PIK3CD: variants seen among roughly 807,000 people sequenced by gnomAD.
PIK3CD encodes phosphatidylinositol 4,5-bisphosphate 3-kinase catalytic subunit delta isoform.
A neutral mutation model predicts 122.9 loss-of-function variants in PIK3CD; 20 were observed. That is an observed-to-expected ratio of 0.16 (90% CI 0.11 to 0.24). PIK3CD has a LOEUF of 0.24. Among genes scored for constraint, PIK3CD ranks in the 10% least tolerant of loss-of-function variants. The probability of loss-of-function intolerance (pLI) is 1.00; values close to 1 mark genes in which losing one functional copy is unlikely to be tolerated. For synonymous variants in PIK3CD, 596 were observed against 593.4 expected, an observed-to-expected ratio of 1.00 and a Z score of -0.06; for missense variants, 787 against 1,406.3, an observed-to-expected ratio of 0.56 and a Z score of 7.04.
intron 1 of PIK3CD, among the ~76,000 whole-genome samples, chr1:9,679,047 G>A (rs1021770928): frequency 6.6e-5 from 10 of 151,802 alleles, no homozygotes; most frequent in South Asian, 2.1e-4. Flanking sequence ...CCTTCTTTCC[G>A]GGTAGTCAGG....
intron 2 of PIK3CD, among the ~76,000 whole-genome samples, chr1:9,707,004 G>A (rs936693168): frequency 6.7e-6 from 1 of 150,264 alleles, no homozygotes; most frequent in Non-Finnish European, 1.5e-5. Flanking sequence ...GTAGAGATGG[G>A]CTCTCACTAT....
At chr1:9,640,698 G>A in the PIK3CD span, among the ~76,000 whole-genome samples, 5 of 152,068 alleles carry the variant, frequency 3.3e-5, no homozygotes, top group African/African-American at 2.4e-5. Flanking sequence ...GGAAATGTAC[G>A]GGTGTCTATT....
chr1:9,683,683 A>G (rs930274938), intron 1 of PIK3CD, among the ~76,000 whole-genome samples: 1 of 152,042 alleles, frequency 6.6e-6, no homozygotes, highest in Non-Finnish European at 1.5e-5. Flanking sequence ...ATCTCTTGCT[A>G]CATAACAGCC....
chr1:9,663,199 G>T (rs531010178), intron 1 of PIK3CD, among the ~76,000 whole-genome samples: 2 of 152,146 alleles, frequency 1.3e-5, no homozygotes, highest in African/African-American at 4.8e-5. Context: ...CCAAGTCAGC[G>T]TCTATTCAAG....
In PIK3CD at chr1:9,722,024, G is replaced by A. The variant is rs1481897966; in HGVS notation, c.2105G>A (p.Ser702Asn). The part of the protein sequence containing the change: ...LKALNDFVKL[S>N]SQKTPKPQTK... The stretch of plus-strand genomic sequence containing the variant: ...GCCCTGAATGACTTCGTCAAGCTGA[G>A]CTCTCAGAAGACCCCCAAGCCCCAG... The change falls in exon 17 of 24, where the codon AGC becomes AAC. Residue 702 changes from serine (S) to asparagine (N), a missense_variant. By Grantham distance (46) the Ser-to-Asn change is conservative (BLOSUM62 1). Transcript: ENST00000377346. This position sits in a 1 kb window ranked among gnomAD's most constrained non-coding sequence, Gnocchi z 7.6. The A allele has an allele frequency of 1.2e-6, 2 of 1,613,736 alleles. No homozygotes were observed. Among genetic ancestry groups the A allele is most frequent in the Non-Finnish European group, 1.7e-6 (2 of 1,180,034 alleles).
the PIK3CD span, among the ~76,000 whole-genome samples, chr1:9,628,036 G>C: frequency 6.6e-6 from 1 of 152,186 alleles, no homozygotes; most frequent in Admixed American, 6.5e-5. Flanking sequence ...GCGACAGAGC[G>C]AGACGCCTGT....
chr1:9,674,201 G>T (rs1645427398), intron 1 of PIK3CD, among the ~76,000 whole-genome samples: 1 of 152,216 alleles, frequency 6.6e-6, no homozygotes, highest in African/African-American at 2.4e-5. Flanking sequence ...GCTCCAGAAA[G>T]GGGGCATCAG....
At chr1:9,681,797 G>A (rs1645763826) in intron 1 of PIK3CD, among the ~76,000 whole-genome samples, 1 of 152,184 alleles carries the variant, frequency 6.6e-6, no homozygotes, top group Admixed American at 6.6e-5. Flanking sequence ...TGTGGGTGGG[G>A]GCTACACAAC....
At chr1:9,654,930 G>T (rs1295567544) in intron 1 of PIK3CD, among the ~76,000 whole-genome samples, 1 of 152,034 alleles carries the variant, frequency 6.6e-6, no homozygotes, top group Non-Finnish European at 1.5e-5. Flanking sequence ...AGCTGGGCGT[G>T]GTGATGAGCA....
the PIK3CD span, among the ~76,000 whole-genome samples, chr1:9,640,387 C>T: frequency 6.6e-6 from 1 of 151,960 alleles, no homozygotes; most frequent in Non-Finnish European, 1.5e-5. Flanking sequence ...CAAGACCAGC[C>T]TGACCAACAT....
rs1045332020 is a variant in PIK3CD, at chr1:9,717,773, G to A, written c.1020+147G>A. The A allele has an allele frequency of 1.3e-4, 106 of 793,636 alleles. No individual in the cohort carries two copies. Among genetic ancestry groups the A allele is most frequent in the Non-Finnish European group, 1.8e-4 (84 of 476,606 alleles). The allele number at this position is 793,636 out of a possible 1,614,324, so 49.2% of individuals were successfully genotyped here. A position where few individuals can be genotyped will look rare whatever the true frequency, so the allele number is the denominator to read the frequency against. On this transcript the variant is annotated intron_variant, in intron 8 of 23. Transcript: ENST00000377346. The surrounding 1 kb of genome is among the most constrained non-coding windows in gnomAD (Gnocchi z 5.4). ...AGCATCCCTGCCTGGGGCGCTGTGAGCGGCTTGAAAACAGGAAGTGGGGAG... is the reference window on the plus strand; with the variant it reads ...AGCATCCCTGCCTGGGGCGCTGTGAACGGCTTGAAAACAGGAAGTGGGGAG...
intron 1 of PIK3CD, among the ~76,000 whole-genome samples, chr1:9,678,481 CT>C (rs934412002): frequency 6.6e-6 from 1 of 152,150 alleles, no homozygotes; most frequent in African/African-American, 2.4e-5. Flanking sequence ...AAAACTCCAT[CT>C]TCCACCTACC....
chr1:9,712,301 A>C (rs1016411919), intron 3 of PIK3CD, among the ~76,000 whole-genome samples: 17 of 141,886 alleles, frequency 1.2e-4, no homozygotes, highest in Non-Finnish European at 2.4e-4. Flanking sequence ...TTATTTTTTG[A>C]GACAGGGTTC....
chr1:9,725,140 G>T (rs1345708999), intron 23 of PIK3CD, among the ~76,000 whole-genome samples: 1 of 152,254 alleles, frequency 6.6e-6, no homozygotes, highest in Non-Finnish European at 1.5e-5. Context: ...CCCAGGCATG[G>T]TTCCACTCAG....
At chr1:9,633,272 G>A in the PIK3CD span, among the ~76,000 whole-genome samples, 6 of 152,176 alleles carry the variant, frequency 3.9e-5, no homozygotes, top group African/African-American at 1.2e-4. Flanking sequence ...TTCAACTCTC[G>A]TAAAACGCTA....
intron 1 of PIK3CD, among the ~76,000 whole-genome samples, chr1:9,682,395 C>T (rs1275549147): frequency 6.6e-6 from 1 of 151,902 alleles, no homozygotes; most frequent in African/African-American, 2.4e-5. Context: ...TGCCACTACA[C>T]TTGGCTAATT....
Position 9,715,932 on chromosome 1 carries a change from G to A in PIK3CD, c.454G>A (p.Ala152Thr), listed in dbSNP as rs138463758. ...GTGCCAATTCTGCGAGGAGGCGGCC[G>A]CCCGCCGGCAGCAGCTGGGCTGGGA... is the stretch of plus-strand genomic sequence containing the variant. ...KMCQFCEEAA[A>T]RRQQLGWEAW... Residue 152 changes from alanine to threonine, a missense_variant, in exon 5 of 24, where the codon GCC becomes ACC. Ala to Thr is a moderately conservative substitution (Grantham distance 58). Around this residue, in one of 6 missense-constraint regions of PIK3CD, gnomAD observed 592 missense variants for 920.6 expected, o/e 0.64. Transcript: ENST00000377346. This position sits in a 1 kb window ranked among gnomAD's most constrained non-coding sequence, Gnocchi z 4.1. The A allele has an allele frequency of 2.4e-5, 38 of 1,611,508 alleles. No homozygotes were observed. In the African/African-American group the frequency reaches 3.7e-4, roughly 16 times the overall value.
chr1:9,647,851 ACAGT>A (rs1353168113), upstream of PIK3CD, among the ~76,000 whole-genome samples: 1 of 152,140 alleles, frequency 6.6e-6, no homozygotes, highest in South Asian at 2.1e-4. Flanking sequence ...AGCCAGTAAC[ACAGT>A]CAGAGTGTTT....
chr1:9,704,645 C>T lies in PIK3CD; in HGVS notation c.-32-5779C>T, dbSNP rs1019219494. 6.6e-6 allele frequency among the ~76,000 whole-genome samples: 1 copy of T among 152,108 alleles called. No individual in the cohort carries two copies. The highest frequency in any genetic ancestry group is 2.4e-5 in the African/African-American group (1 of 41,426). ...CTCCAGCCTCAGCCTCCCAAGTAGC[C>T]GGGACTACAGGCGTGAGCCACCATG... On this transcript the variant is annotated intron_variant, in intron 2 of 23. Coordinates refer to ENST00000377346, the MANE Select transcript of PIK3CD (RefSeq NM_005026.5). This position sits in a 1 kb window ranked among gnomAD's most constrained non-coding sequence, Gnocchi z 5.0.
Sources: allele counts gnomAD v4.1 joint callset (sites outside exome capture counted in the v4.1 genomes callset), GRCh38; gene constraint gnomAD v4.1.1; regional missense constraint gnomAD v4.1.1; non-coding constraint Gnocchi (gnomAD v3.1); transcripts MANE v1.5; gene names NCBI Gene and HGNC (gene_info 2026-07-23, HGNC 2026-07-21).